BCAR3: variants seen among roughly 807,000 people sequenced by gnomAD.
BCAR3 encodes BCAR3 adaptor protein, NSP family member.
A neutral mutation model predicts 80.1 loss-of-function variants in BCAR3; 37 were observed. The ratio of observed to expected loss-of-function variants is 0.46; its 90% CI spans 0.36 to 0.61. The LOEUF is 0.61. BCAR3 is among the 20% of genes least tolerant of loss of function. The probability of loss-of-function intolerance (pLI) is 0.00; values close to 1 mark genes in which losing one functional copy is unlikely to be tolerated. For missense variants in BCAR3, 978 were observed against 1,068.2 expected (o/e 0.92, Z 1.18); for synonymous variants, 389 against 418.9 (o/e 0.93, Z 0.87).
intron 2 of BCAR3, among the ~76,000 whole-genome samples, chr1:93,771,917 C>T (rs1171632231): frequency 6.6e-6 from 1 of 152,140 alleles, no homozygotes; most frequent in African/African-American, 2.4e-5. Flanking sequence ...TGTCCATCTC[C>T]CTCCCACCAG....
chr1:93,632,820 C>G (rs1448240661), intron 3 of BCAR3, among the ~76,000 whole-genome samples: 1 of 152,098 alleles, frequency 6.6e-6, no homozygotes, highest in Admixed American at 6.5e-5. Flanking sequence ...GAGTTCAAGA[C>G]CAGCCTGACC....
At chr1:93,835,678 A>G (rs1654738455) in intron 2 of BCAR3, among the ~76,000 whole-genome samples, 1 of 152,102 alleles carries the variant, frequency 6.6e-6, no homozygotes, top group Admixed American at 6.5e-5. Flanking sequence ...TCCATCTGCT[A>G]TTTTACTACT....
intron 2 of BCAR3, among the ~76,000 whole-genome samples, chr1:93,714,975 C>T (rs569069673): frequency 9.9e-5 from 15 of 152,282 alleles, no homozygotes; most frequent in African/African-American, 3.4e-4. Flanking sequence ...TCTCTGCATA[C>T]TCTCCTCTGG....
At chr1:93,840,284 C>A (rs1052977602) in intron 2 of BCAR3, among the ~76,000 whole-genome samples, 1 of 152,138 alleles carries the variant, frequency 6.6e-6, no homozygotes, top group Non-Finnish European at 1.5e-5. Flanking sequence ...TGCCTGGATT[C>A]AATCCTGCTG....
At chr1:93,847,555 G>T (rs569705906), upstream of BCAR3, 1 of 152,610 alleles carries the variant, frequency 6.6e-6, no homozygotes, top group East Asian at 1.9e-4. Context: ...TAGCAGATGC[G>T]CTGAGACTCC....
chr1:93,756,586 C>T (rs1223093498), intron 2 of BCAR3, among the ~76,000 whole-genome samples: 1 of 152,212 alleles, frequency 6.6e-6, no homozygotes, highest in East Asian at 1.9e-4. Flanking sequence ...AGTATATGTG[C>T]TAATTTTCCA....
At chr1:93,597,204 C>T (rs1385429142) in intron 3 of BCAR3, among the ~76,000 whole-genome samples, 1 of 152,178 alleles carries the variant, frequency 6.6e-6, no homozygotes, top group Non-Finnish European at 1.5e-5. Flanking sequence ...ACTCACATGG[C>T]CCCACTTCGA....
intron 3 of BCAR3, among the ~76,000 whole-genome samples, chr1:93,695,804 A>G (rs1461383464): frequency 2.0e-5 from 3 of 152,130 alleles, no homozygotes; most frequent in African/African-American, 7.2e-5. Context: ...CTTTTCTGCT[A>G]TATTTGACAT....
chr1:93,703,139 C>T (rs919881597), intron 3 of BCAR3, among the ~76,000 whole-genome samples: 2 of 152,206 alleles, frequency 1.3e-5, no homozygotes, highest in African/African-American at 2.4e-5. Context: ...CTTAGGTTTC[C>T]AGAGGGACTG....
intron 8 of BCAR3, among the ~76,000 whole-genome samples, chr1:93,573,665 G>A (rs1376778546): frequency 7.3e-6 from 1 of 136,564 alleles, no homozygotes; most frequent in Non-Finnish European, 1.5e-5. Flanking sequence ...GTTTTGCTCT[G>A]TTGCCCAGGC....
At chr1:93,830,398 A>G (rs941419656) in intron 2 of BCAR3, among the ~76,000 whole-genome samples, 1 of 152,202 alleles carries the variant, frequency 6.6e-6, no homozygotes. Context: ...TAACTGAAGA[A>G]TCACAAAAGA....
intron 2 of BCAR3, among the ~76,000 whole-genome samples, chr1:93,767,473 G>A (rs1309488655): frequency 6.6e-6 from 1 of 150,734 alleles, no homozygotes; most frequent in Non-Finnish European, 1.5e-5. Context: ...GCAGTGAGCC[G>A]TGATCACACC....
chr1:93,596,212 G>A (rs1184208831), intron 3 of BCAR3, among the ~76,000 whole-genome samples: 2 of 152,008 alleles, frequency 1.3e-5, no homozygotes, highest in Admixed American at 6.6e-5. Flanking sequence ...TACTGTATTC[G>A]CTCACATAAT....
chr1:93,626,774 T>C (rs1393981101), intron 3 of BCAR3, among the ~76,000 whole-genome samples: 1 of 152,216 alleles, frequency 6.6e-6, no homozygotes, highest in Admixed American at 6.5e-5. Context: ...TCTTTAGTAT[T>C]CTATACAATG....
chr1:93,602,170 T>C (rs1674642753), intron 3 of BCAR3: 1 of 152,030 alleles, frequency 6.6e-6, no homozygotes, highest in Non-Finnish European at 1.5e-5. Flanking sequence ...TGGAGTGCAG[T>C]GGCGCATTCA....
chr1:93,681,942 A>C (rs74101664), upstream of BCAR3: 8,504 of 152,182 alleles, frequency 0.056, 450 homozygotes, highest in African/African-American at 0.14. Flanking sequence ...CGAGACATTT[A>C]CATTCGGTGA....
At chr1:93,702,113 G>A (rs1020798451) in intron 3 of BCAR3, among the ~76,000 whole-genome samples, 4 of 152,126 alleles carry the variant, frequency 2.6e-5, no homozygotes, top group African/African-American at 4.8e-5. Flanking sequence ...AAATTCTCAC[G>A]GGGGAAAGTC....
chr1:93,670,786 A>C (rs999017820), intron 2 of BCAR3, among the ~76,000 whole-genome samples: 24 of 152,184 alleles, frequency 1.6e-4, no homozygotes, highest in African/African-American at 5.3e-4. Flanking sequence ...AAAATGTAGG[A>C]GATAACAATT....
chr1:93,728,241 CA>C (rs1297455553), intron 2 of BCAR3, among the ~76,000 whole-genome samples: 1 of 152,212 alleles, frequency 6.6e-6, no homozygotes, highest in Admixed American at 6.5e-5. Context: ...GGGCGTGTGA[CA>C]GGGGGAGTGG....
Sources: allele counts gnomAD v4.1 joint callset (sites outside exome capture counted in the v4.1 genomes callset), GRCh38; gene constraint gnomAD v4.1.1; transcripts MANE v1.5; gene names NCBI Gene and HGNC (gene_info 2026-07-23, HGNC 2026-07-21).